The following ANKRD30BL variants were observed in gnomAD, a reference collection of about 807,000 sequenced individuals.
ANKRD30BL encodes the protein putative ankyrin repeat domain-containing protein 30B-like.
In ANKRD30BL, 20 loss-of-function variants were observed where a neutral mutation model predicts 18.4. The ratio of observed to expected loss-of-function variants is 1.09; its 90% confidence interval spans 0.77 to 1.58. The LOEUF (loss-of-function observed/expected upper bound fraction) is 1.58. Among genes scored for constraint, ANKRD30BL ranks in the 40% most tolerant of loss-of-function variants. ANKRD30BL has a pLI of 0.00. For missense variants in ANKRD30BL, 224 were observed against 268.6 expected (o/e 0.83, Z 1.16); for synonymous variants, 72 against 100.9 (o/e 0.71, Z 1.72).
intron 1 of ANKRD30BL, among the ~76,000 whole-genome samples, chr2:132,167,193 C>T (rs1224548811): frequency 6.6e-6 from 1 of 151,550 alleles, no homozygotes; most frequent in Non-Finnish European, 1.5e-5. Context: ...GCCCATAATG[C>T]AGTGTGTCTT....
chr2:132,195,014 A>C (rs1275597844), intron 1 of ANKRD30BL, among the ~76,000 whole-genome samples: 1 of 152,228 alleles, frequency 6.6e-6, no homozygotes, highest in East Asian at 1.9e-4. Flanking sequence ...GTTCACAGCT[A>C]GTGTGAACTG....
chr2:132,257,966 A>T (rs1680920281), exon 1 of ANKRD30BL: 1 of 153,280 alleles, frequency 6.5e-6, no homozygotes, highest in African/African-American at 2.4e-5. Context: ...CGCACGCGTC[A>T]TCTGCCCCAG....
At chr2:132,218,637 T>C (rs1434803807) in intron 1 of ANKRD30BL, among the ~76,000 whole-genome samples, 7 of 152,254 alleles carry the variant, frequency 4.6e-5, no homozygotes, top group Non-Finnish European at 7.3e-5. Context: ...TATATTCACA[T>C]AAAAACTAGA....
At chr2:132,183,267 G>A (rs1688506510) in intron 1 of ANKRD30BL, among the ~76,000 whole-genome samples, 1 of 151,884 alleles carries the variant, frequency 6.6e-6, no homozygotes, top group Non-Finnish European at 1.5e-5. Context: ...GAGCAGCTGG[G>A]ATTACAGACA....
intron 1 of ANKRD30BL, among the ~76,000 whole-genome samples, chr2:132,246,279 C>T (rs4402820): frequency 0.072 from 10,795 of 150,276 alleles, 1,260 homozygotes; most frequent in African/African-American, 0.25. Context: ...TTGAGGTGTA[C>T]GGTGAAAAAG....
At chr2:132,226,649 G>C (rs541669970) in intron 1 of ANKRD30BL, among the ~76,000 whole-genome samples, 3 of 151,880 alleles carry the variant, frequency 2.0e-5, no homozygotes, top group South Asian at 4.2e-4. Context: ...ATCTGCAAGT[G>C]GACATTTGGT....
chr2:132,229,182 A>G (rs1679934473), intron 1 of ANKRD30BL, among the ~76,000 whole-genome samples: 1 of 152,086 alleles, frequency 6.6e-6, no homozygotes, highest in African/African-American at 2.4e-5. Flanking sequence ...CCCAGATTTG[A>G]CCATTCCTTT....
At chr2:132,210,329 T>C (rs901877968) in intron 1 of ANKRD30BL, among the ~76,000 whole-genome samples, 1 of 152,082 alleles carries the variant, frequency 6.6e-6, no homozygotes, top group African/African-American at 2.4e-5. Context: ...CAAGTGGATA[T>C]TTGGAGCGCT....
intron 1 of ANKRD30BL, among the ~76,000 whole-genome samples, chr2:132,247,686 T>A: frequency 6.6e-6 from 1 of 151,814 alleles, no homozygotes; most frequent in East Asian, 1.9e-4. Flanking sequence ...AGAAAAGTTC[T>A]ACTCTGTGAG....
Position 132,189,566 on chromosome 2 carries a change from C to T in ANKRD30BL, n.442-32420G>A, listed in dbSNP as rs965532783. 5.3e-5 allele frequency among the ~76,000 whole-genome samples: 8 copies of T among 151,136 alleles called. No individual in the cohort carries two copies. In the Admixed American group the frequency reaches 5.3e-4, roughly 10 times the overall value. On this transcript the variant is annotated intron_variant and non_coding_transcript_variant, in intron 1 of 4. Coordinates refer to the ANKRD30BL transcript ENST00000470729. ...GCTGTATGTAAATACAATGATATTC[C>T]ATATTTCCTGTAAGTTTGCCTATTC...
At chr2:132,221,790 C>T (rs1169883542) in intron 1 of ANKRD30BL, among the ~76,000 whole-genome samples, 17 of 98,504 alleles carry the variant, frequency 1.7e-4, no homozygotes, top group African/African-American at 4.0e-4. Context: ...CCCCTCTGCC[C>T]GGCCAGCCGC....
chr2:132,255,608 T>C (rs1043858762), intron 1 of ANKRD30BL, among the ~76,000 whole-genome samples: 13 of 152,176 alleles, frequency 8.5e-5, no homozygotes, highest in Non-Finnish European at 1.9e-4. Context: ...CAATTGATCC[T>C]CATTAAAAGA....
Position 132,161,918 on chromosome 2 carries a change from G to C in ANKRD30BL, c.-213C>G. 1 of 561,028 alleles carries C rather than the reference G, an allele frequency of 1.8e-6. No homozygotes were observed. The highest frequency in any genetic ancestry group is 1.9e-5 in the African/African-American group (1 of 53,050). 34.8% of individuals were successfully genotyped at this position (561,028 alleles called of 1,614,324 possible). ...AGCTGAGCAGAACCGTTAGGCACCT[G>C]AGCAGAACCTTTAGGCAGCTGAGCA... On this transcript the variant is annotated 5_prime_UTR_variant, in exon 1 of 6. Transcript: ENST00000409867.
chr2:132,195,784 C>T (rs1678951197), intron 1 of ANKRD30BL, among the ~76,000 whole-genome samples: 1 of 106,894 alleles, frequency 9.4e-6, no homozygotes, highest in Non-Finnish European at 1.7e-5. Flanking sequence ...GAGTGAGCCT[C>T]TGCCAAAAAA....
chr2:132,229,503 A>T (rs567678912), intron 1 of ANKRD30BL, among the ~76,000 whole-genome samples: 1 of 152,280 alleles, frequency 6.6e-6, no homozygotes, highest in South Asian at 2.1e-4. Context: ...TGATGTTTGC[A>T]TTCAACTCAT....
chr2:132,224,763 G>T (rs1002226967), intron 1 of ANKRD30BL, among the ~76,000 whole-genome samples: 3 of 151,714 alleles, frequency 2.0e-5, no homozygotes, highest in Admixed American at 1.3e-4. Context: ...AGTAGAATCT[G>T]AAGGGGATAT....
intron 1 of ANKRD30BL, among the ~76,000 whole-genome samples, chr2:132,208,593 G>T (rs975561216): frequency 2.0e-5 from 3 of 152,026 alleles, no homozygotes; most frequent in Non-Finnish European, 4.4e-5. Flanking sequence ...AAGACACTCT[G>T]CCTGGAAAAA....
upstream of ANKRD30BL, among the ~76,000 whole-genome samples, chr2:132,164,269 C>CTTTTTTTTTTTTTTTTT (rs796313755): frequency 2.7e-4 from 30 of 112,190 alleles, no homozygotes; most frequent in East Asian, 2.4e-3. Context: ...TTTTCTTTTT[C>CTTTTTTTTTTTTTTTTT]TTTTTTTTTT....
In ANKRD30BL at chr2:132,157,459, TCCA is replaced by T. The variant is rs938145870; in HGVS notation, c.219-39_219-37del. 1.0e-5 allele frequency: 6 copies of T among 591,094 alleles called. No individual in the cohort carries two copies. The African/African-American group carries it at 1.1e-4, about 11-fold the overall frequency. The allele number at this position is 591,094 out of a possible 1,614,324, so 36.6% of individuals were successfully genotyped here. A position where few individuals can be genotyped will look rare whatever the true frequency, so the allele number is the denominator to read the frequency against. On this transcript the variant is annotated intron_variant, in intron 1 of 5. Coordinates refer to ENST00000409867, the MANE Select transcript of ANKRD30BL (RefSeq NM_001358416.1). ...GAGAGGCCTTTTAAGGAAAGTTTAG[TCCA>T]CTGTCTCAAAACATAGAATGATTTA...
Sources: allele counts gnomAD v4.1 joint callset (sites outside exome capture counted in the v4.1 genomes callset), GRCh38; gene constraint gnomAD v4.1.1; transcripts MANE v1.5; gene names NCBI Gene and HGNC (gene_info 2026-07-23, HGNC 2026-07-21).